Variants in ZNF236 observed in about 807,000 individuals in gnomAD.
ZNF236 encodes zinc finger protein 236.
Under a neutral mutation model 191.2 loss-of-function variants are expected in ZNF236, and 50 were observed. The observed-to-expected ratio is 0.26, with a 90% CI of 0.21 to 0.33. ZNF236 has a LOEUF of 0.33. Among genes scored for constraint, ZNF236 ranks in the 10% least tolerant of loss-of-function variants. ZNF236 has a pLI of 1.00. For missense variants in ZNF236, 1,754 were observed against 2,374.5 expected, an observed-to-expected ratio of 0.74 and a Z score of 5.43; for synonymous variants, 907 against 928.8, an observed-to-expected ratio of 0.98 and a Z score of 0.43.
At position 76,921,632 on chromosome 18, in the gene ZNF236, T is replaced by A. The variant is rs887371564; in HGVS notation, c.3558-1439T>A. Among the ~76,000 whole-genome samples, 5 of 150,464 alleles carry A rather than the reference T, an allele frequency of 3.3e-5. No individual in the cohort carries two copies. The East Asian group carries it at 9.9e-4, about 30-fold the overall frequency. ...CAGCAGTTTGTGACCTGCCTGTGGGTGGGGCGTGCCAGCCAATTAGCAGAG... is the reference window on the plus strand; with the variant it reads ...CAGCAGTTTGTGACCTGCCTGTGGGAGGGGCGTGCCAGCCAATTAGCAGAG... On this transcript the variant is annotated intron_variant, in intron 20 of 30. Transcript: ENST00000320610.
rs900486209 is a variant in ZNF236 at position 76,969,655 on chromosome 18, C to T, written c.*1316C>T. On this transcript the variant is annotated 3_prime_UTR_variant, in exon 31 of 31. Transcript: ENST00000320610. ...TGAAAAATAATTGCCTTTATTTTCTCTCGTTGCCTCCTTGGTTTCAGAAGA... is the reference window on the plus strand; with the variant it reads ...TGAAAAATAATTGCCTTTATTTTCTTTCGTTGCCTCCTTGGTTTCAGAAGA... 2 of 152,140 alleles carry T rather than the reference C, an allele frequency of 1.3e-5. No individual in the cohort carries two copies. Among genetic ancestry groups the T allele is most frequent in the African/African-American group, 2.4e-5 (1 of 41,296 alleles). The allele number at this position is 152,140 out of a possible 1,614,324, so 9.4% of individuals were successfully genotyped here. A position where few individuals can be genotyped will look rare whatever the true frequency, so the allele number is the denominator to read the frequency against.
chr18:76,930,683 C>T (rs9964851), intron 25 of ZNF236, among the ~76,000 whole-genome samples: 103 of 152,198 alleles, frequency 6.8e-4, no homozygotes, highest in African/African-American at 2.4e-3. Flanking sequence ...CAGTGGAGGG[C>T]AGGGAGGGGA....
In ZNF236 at chr18:76,969,796, T is replaced by G. The variant is rs1397321077; in HGVS notation, c.*1457T>G. 2 of 152,626 alleles carry G rather than the reference T, an allele frequency of 1.3e-5. No homozygotes were observed. Among genetic ancestry groups the G allele is most frequent in the Non-Finnish European group, 2.9e-5 (2 of 68,030 alleles). 9.5% of individuals were successfully genotyped at this position (152,626 alleles called of 1,614,324 possible). ...TTTTGAAAGGGCATCTTTTGATTTT[T>G]TTGTTGTTGTTGTTCACTTTTGGCA... is the stretch of plus-strand genomic sequence containing the variant. On this transcript the variant is annotated 3_prime_UTR_variant, in exon 31 of 31. Coordinates refer to ENST00000320610, the MANE Select transcript of ZNF236 (RefSeq NM_001306089.2).
At chr18:76,833,555 C>T (rs895349805) in intron 1 of ZNF236, among the ~76,000 whole-genome samples, 10 of 152,018 alleles carry the variant, frequency 6.6e-5, no homozygotes, top group African/African-American at 2.2e-4. Flanking sequence ...AAACTTGTTG[C>T]GATATTATTC....
intron 1 of ZNF236, among the ~76,000 whole-genome samples, chr18:76,846,780 G>A (rs1975696037): frequency 6.6e-6 from 1 of 151,732 alleles, no homozygotes; most frequent in African/African-American, 2.4e-5. Context: ...TAATTCATAA[G>A]TAAAGCAACA....
chr18:76,829,254 C>G (rs551855854), intron 1 of ZNF236, among the ~76,000 whole-genome samples: 1 of 151,990 alleles, frequency 6.6e-6, no homozygotes, highest in East Asian at 1.9e-4. Flanking sequence ...CTTTTCTTCA[C>G]ATGAAGTATC....
chr18:76,876,148 G>A lies in ZNF236; in HGVS notation c.840+484G>A, dbSNP rs369251745. On this transcript the variant is annotated intron_variant, in intron 6 of 30. Coordinates refer to ENST00000320610, the MANE Select transcript of ZNF236 (RefSeq NM_001306089.2). ...TTCCATGCTGCTTGTCCAGTCTTTC[G>A]ACTAAAATGATGATTTCCTGTGGTA... Among the ~76,000 whole-genome samples, 897 of 152,238 alleles carry A rather than the reference G, an allele frequency of 5.9e-3. 16 individuals are homozygous for A. Among genetic ancestry groups the A allele is most frequent in the South Asian group, 0.039 (186 of 4,820 alleles).
chr18:76,959,824 G>A lies in ZNF236; in HGVS notation c.5242+8G>A, dbSNP rs1968615918. The A allele has an allele frequency of 1.9e-6, 3 of 1,612,022 alleles. No individual in the cohort carries two copies. The highest frequency in any genetic ancestry group is 2.5e-6 in the Non-Finnish European group (3 of 1,178,860). On this transcript the variant is annotated splice_region_variant and intron_variant, in intron 29 of 30. Transcript: ENST00000320610. ...ACAGCCGCATACATACAGGTAACGG[G>A]GAAGGACGTGCTTTTGTTTCCTTAC...
chr18:76,925,431 A>G lies in ZNF236; in HGVS notation c.3904A>G (p.Asn1302Asp). 6.2e-7 allele frequency: 1 copy of G among 1,614,138 alleles called. No individual in the cohort carries two copies. Among genetic ancestry groups the G allele is most frequent in the Middle Eastern group, 1.6e-4 (1 of 6,062 alleles). Residue 1302 changes from asparagine to aspartate, a missense_variant, in exon 22 of 31, where the codon AAC becomes GAC. Transcript: ENST00000320610. The surrounding 1 kb of genome is among the most constrained non-coding windows in gnomAD (Gnocchi z 5.7). The part of the protein sequence containing the change: ...SEGLQPVNLL[N>D]SSSTDPNVFI... The stretch of plus-strand genomic sequence containing the variant: ...AGGACTGCAGCCTGTAAACCTCCTC[A>G]ACTCCTCCTCTACTGACCCAAACGT...
intron 9 of ZNF236, among the ~76,000 whole-genome samples, chr18:76,890,251 G>GT (rs1977189919): frequency 6.6e-6 from 1 of 152,116 alleles, no homozygotes; most frequent in Non-Finnish European, 1.5e-5. Flanking sequence ...TTTTCTGAGA[G>GT]TGACTTGTAG....
chr18:76,942,136 G>A (rs181590346), intron 26 of ZNF236, among the ~76,000 whole-genome samples: 27 of 152,310 alleles, frequency 1.8e-4, no homozygotes, highest in Non-Finnish European at 3.2e-4. Flanking sequence ...TTATTCACTA[G>A]GGGATAAATG....
rs146975786 is a variant in ZNF236 at position 76,829,999 on chromosome 18, T to G, written c.55+7337T>G. On this transcript the variant is annotated intron_variant, in intron 1 of 30. Transcript: ENST00000320610. ...GATTATCCTGCCTCAGCCACCTGAG[T>G]AGCTGGGATTACAGGCACGCGCCAC... 6.2e-4 allele frequency among the ~76,000 whole-genome samples: 94 copies of G among 152,206 alleles called. 3 individuals carry two copies. The South Asian group carries it at 8.9e-3, about 14-fold the overall frequency.
chr18:76,835,826 C>T (rs1288272639), intron 1 of ZNF236, among the ~76,000 whole-genome samples: 1 of 152,074 alleles, frequency 6.6e-6, no homozygotes, highest in Non-Finnish European at 1.5e-5. Context: ...TTTTATATTC[C>T]CCTTTCTTTC....
chr18:76,838,098 T>A (rs1391308721), intron 1 of ZNF236, among the ~76,000 whole-genome samples: 1 of 152,218 alleles, frequency 6.6e-6, no homozygotes, highest in Non-Finnish European at 1.5e-5. Context: ...CAAATACTCA[T>A]CATCACATTT....
At chr18:76,850,883 T>A (rs901354571) in intron 2 of ZNF236, among the ~76,000 whole-genome samples, 1 of 151,378 alleles carries the variant, frequency 6.6e-6, no homozygotes, top group African/African-American at 2.4e-5. Flanking sequence ...GGATTACAGG[T>A]GTGAGCCACC....
chr18:76,907,703 T>C (rs1343392659), intron 13 of ZNF236, among the ~76,000 whole-genome samples: 4 of 151,970 alleles, frequency 2.6e-5, no homozygotes, highest in African/African-American at 4.8e-5. Flanking sequence ...TTTCTTTTTT[T>C]TTTTTTTCAA....
At chr18:76,884,546 T>G (rs78720928) in intron 9 of ZNF236, among the ~76,000 whole-genome samples, 1,956 of 152,330 alleles carry the variant, frequency 0.013, 19 homozygotes, top group Middle Eastern at 0.034. Context: ...GAAACTTTTC[T>G]AAAAGTCCTT....
At chr18:76,824,391 C>G in intron 1 of ZNF236, 1 of 781,080 alleles carries the variant, frequency 1.3e-6, no homozygotes, top group South Asian at 1.3e-5. Context: ...GAGATGTTGG[C>G]TGCACCATGA....
intron 18 of ZNF236, 87 bp downstream of exon 18, chr18:76,913,985 A>C: frequency 7.1e-7 from 1 of 1,414,408 alleles, no homozygotes; most frequent in Non-Finnish European, 9.8e-7. Flanking sequence ...CAGTTCACCC[A>C]CTTAAAGTGT....
Sources: gnomAD v4.1 joint callset for allele counts (sites outside exome capture counted in the v4.1 genomes callset) on GRCh38, gnomAD v4.1.1 for gene constraint, Gnocchi (gnomAD v3.1) non-coding constraint, MANE v1.5 for transcripts, NCBI Gene and HGNC (gene_info 2026-07-23, HGNC 2026-07-21) for gene names.